The following PCDH15 variants were observed in gnomAD, a reference collection of about 807,000 sequenced individuals.
The protein encoded by PCDH15 is protocadherin-15.
In PCDH15, 129 loss-of-function variants were observed where a neutral mutation model predicts 178.5. The observed-to-expected ratio is 0.72, with a 90% confidence interval of 0.63 to 0.84. PCDH15 has a LOEUF of 0.84. Among genes scored for constraint, PCDH15 ranks in the 40% least tolerant of loss-of-function variants. The pLI is 0.00. For synonymous variants in PCDH15, 800 were observed against 732.0 expected (o/e 1.09, Z -1.50); for missense variants, 2,230 against 2,099.9 (o/e 1.06, Z -1.21).
intron 2 of PCDH15, among the ~76,000 whole-genome samples, chr10:55,464,902 GAAAA>G (rs71014492): frequency 6.4e-5 from 9 of 139,908 alleles, no homozygotes; most frequent in Non-Finnish European, 7.8e-5. Flanking sequence ...TGCTTAAATT[GAAAA>G]AAAAAAAAAA....
At chr10:55,595,679 T>G (rs1166613670) in intron 2 of PCDH15, among the ~76,000 whole-genome samples, 1 of 152,144 alleles carries the variant, frequency 6.6e-6, no homozygotes, top group Non-Finnish European at 1.5e-5. Flanking sequence ...CAATTTTTTC[T>G]GACTTAGAGA....
intron 3 of PCDH15, among the ~76,000 whole-genome samples, chr10:54,470,313 G>A (rs1267985906): frequency 2.0e-5 from 3 of 152,136 alleles, no homozygotes; most frequent in African/African-American, 7.2e-5. Context: ...AGCGTGTGGC[G>A]ACCCTGCTGC....
intron 1 of PCDH15, among the ~76,000 whole-genome samples, chr10:55,236,709 C>A (rs1353782356): frequency 6.6e-6 from 1 of 151,846 alleles, no homozygotes; most frequent in Non-Finnish European, 1.5e-5. Context: ...ATGTACCTAG[C>A]TTTTATATGA....
At chr10:54,710,971 G>C (rs532803774) in intron 1 of PCDH15, among the ~76,000 whole-genome samples, 1 of 151,954 alleles carries the variant, frequency 6.6e-6, no homozygotes, top group South Asian at 2.1e-4. Flanking sequence ...ATTGCTTTGG[G>C]AAAACCAGTA....
At chr10:54,454,910 GTAATTCCCA>G (rs1321490159) in intron 3 of PCDH15, among the ~76,000 whole-genome samples, 2 of 152,074 alleles carry the variant, frequency 1.3e-5, no homozygotes, top group African/African-American at 4.8e-5. Context: ...ATCTTGAATT[GTAATTCCCA>G]TAATCCCCAT....
intron 2 of PCDH15, among the ~76,000 whole-genome samples, chr10:54,632,065 G>C (rs951392787): frequency 6.6e-6 from 1 of 152,054 alleles, no homozygotes; most frequent in African/African-American, 2.4e-5. Flanking sequence ...TAAAGAAAAT[G>C]TAGTACATAT....
intron 3 of PCDH15, among the ~76,000 whole-genome samples, chr10:54,462,181 G>A (rs182535000): frequency 1.2e-4 from 18 of 152,090 alleles, no homozygotes; most frequent in East Asian, 1.9e-4. Flanking sequence ...GCAAATGTGC[G>A]TAATAATTTT....
intron 1 of PCDH15, among the ~76,000 whole-genome samples, chr10:55,306,958 T>TA (rs1418679492): frequency 6.6e-6 from 1 of 151,740 alleles, no homozygotes; most frequent in Non-Finnish European, 1.5e-5. Context: ...ACTAAAATAT[T>TA]AAGGCAAAAA....
chr10:55,316,408 T>A (rs1843722977), intron 1 of PCDH15, among the ~76,000 whole-genome samples: 1 of 152,188 alleles, frequency 6.6e-6, no homozygotes, highest in African/African-American at 2.4e-5. Flanking sequence ...TAAATAAAAC[T>A]TCTAGAATTG....
intron 2 of PCDH15, among the ~76,000 whole-genome samples, chr10:54,904,270 A>G (rs1280530858): frequency 2.6e-5 from 4 of 152,042 alleles, no homozygotes; most frequent in Non-Finnish European, 5.9e-5. Context: ...TTAACTTTGC[A>G]TCTTAAGCCT....
At chr10:55,395,281 T>C (rs540335961) in intron 2 of PCDH15, among the ~76,000 whole-genome samples, 2 of 151,902 alleles carry the variant, frequency 1.3e-5, no homozygotes, top group Non-Finnish European at 2.9e-5. Flanking sequence ...GTTCTAACTT[T>C]AATGCGTTAT....
chr10:55,567,091 G>A lies in PCDH15; in HGVS notation c.-156+60534C>T, dbSNP rs118013424. Among the ~76,000 whole-genome samples the A allele has an allele frequency of 2.2e-4, 33 of 151,892 alleles. No individual in the cohort carries two copies. The East Asian group carries it at 4.5e-3, about 21-fold the overall frequency. ...TGGCATAAAGACAGACATATGGACC[G>A]GTGTAATAGGAAAGGTTGCCTAGAA... On this transcript the variant is annotated intron_variant, in intron 2 of 5. Coordinates refer to the PCDH15 transcript ENST00000613346.
intron 1 of PCDH15, among the ~76,000 whole-genome samples, chr10:54,748,010 T>C (rs891075885): frequency 2.6e-5 from 4 of 152,088 alleles, no homozygotes; most frequent in Non-Finnish European, 5.9e-5. Flanking sequence ...TTTTACTGTG[T>C]TAGCCAGGTT....
At chr10:54,783,982 A>G (rs1950604911) in intron 1 of PCDH15, among the ~76,000 whole-genome samples, 1 of 152,112 alleles carries the variant, frequency 6.6e-6, no homozygotes, top group Non-Finnish European at 1.5e-5. Context: ...GCAGAAGGCA[A>G]AGGGGAAACA....
At chr10:54,079,150 G>C (rs1447315600) in intron 17 of PCDH15, among the ~76,000 whole-genome samples, 181 bp downstream of exon 17, 1 of 152,200 alleles carries the variant, frequency 6.6e-6, no homozygotes, top group Non-Finnish European at 1.5e-5. Context: ...CAGCACAATA[G>C]CAAATTCAGA....
At chr10:55,246,670 T>C (rs777444271) in intron 1 of PCDH15, among the ~76,000 whole-genome samples, 1 of 152,204 alleles carries the variant, frequency 6.6e-6, no homozygotes, top group Non-Finnish European at 1.5e-5. Context: ...CTCAGACTTA[T>C]GCTCATGTGT....
At chr10:55,396,522 G>A (rs1015442394) in intron 2 of PCDH15, among the ~76,000 whole-genome samples, 1 of 152,128 alleles carries the variant, frequency 6.6e-6, no homozygotes, top group Admixed American at 6.5e-5. Flanking sequence ...CATCCTCAGA[G>A]TCGCTAAAAT....
chr10:55,293,995 T>C lies in PCDH15; in HGVS notation c.-156+25604A>G, dbSNP rs542537531. Among the ~76,000 whole-genome samples, 5 of 152,262 alleles carry C rather than the reference T, an allele frequency of 3.3e-5. No individual in the cohort carries two copies. In the South Asian group the frequency reaches 8.3e-4, roughly 25 times the overall value. On this transcript the variant is annotated intron_variant, in intron 1 of 5. Transcript: ENST00000458638. ...TCATTTCCATACTGCTAATAAGACA[T>C]GCTCAAGACTGGGCAATTTACAAAA...
intron 3 of PCDH15, among the ~76,000 whole-genome samples, chr10:54,472,046 T>C (rs547020640): frequency 1.3e-5 from 2 of 151,996 alleles, no homozygotes; most frequent in East Asian, 1.9e-4. Flanking sequence ...TATAAAGAAA[T>C]AGGGGGAAAG....
Sources: allele counts gnomAD v4.1 joint callset (sites outside exome capture counted in the v4.1 genomes callset), GRCh38; gene constraint gnomAD v4.1.1; transcripts MANE v1.5; gene names NCBI Gene and HGNC (gene_info 2026-07-23, HGNC 2026-07-21).